The following SLC6A11 variants were observed in gnomAD, a reference collection of about 807,000 sequenced individuals.
The protein encoded by SLC6A11 is sodium- and chloride-dependent GABA transporter 3.
A neutral mutation model predicts 74.8 loss-of-function variants in SLC6A11; 25 were observed. The observed-to-expected ratio is 0.33, with a 90% CI of 0.24 to 0.47. SLC6A11 has a LOEUF of 0.47. Ranked by LOEUF, SLC6A11 falls within the 20% of genes least tolerant of loss-of-function variation. SLC6A11 has a pLI of 1.00. For missense variants in SLC6A11, 574 were observed against 837.0 expected, an observed-to-expected ratio of 0.69 and a Z score of 3.88; for synonymous variants, 330 against 330.2, an observed-to-expected ratio of 1.00 and a Z score of 0.01.
chr3:10,939,170 C>G lies in SLC6A11; in HGVS notation c.*768C>G, dbSNP rs925239140. Reference sequence around the variant, plus strand: ...CTCCGCCCTCCCAGTTGTACCTCCTCCCCACCTGCTTATTTAAAATCAAGT... The same window carrying G: ...CTCCGCCCTCCCAGTTGTACCTCCTGCCCACCTGCTTATTTAAAATCAAGT... On this transcript the variant is annotated 3_prime_UTR_variant, in exon 14 of 14. Transcript: ENST00000254488. 2 of 152,290 alleles carry G rather than the reference C, an allele frequency of 1.3e-5. No individual in the cohort carries two copies. The highest frequency in any genetic ancestry group is 2.9e-5 in the Non-Finnish European group (2 of 68,082). 9.4% of individuals were successfully genotyped at this position (152,290 alleles called of 1,614,324 possible). A position where few individuals can be genotyped will look rare whatever the true frequency, so the allele number is the denominator to read the frequency against.
At chr3:10,908,194 C>T (rs58752692) in intron 6 of SLC6A11, among the ~76,000 whole-genome samples, 11,737 of 152,078 alleles carry the variant, frequency 0.077, 598 homozygotes, top group African/African-American at 0.14. Flanking sequence ...ATACAGTGTA[C>T]TAAAAATTTG....
At chr3:10,893,234 G>C (rs1695128251) in intron 6 of SLC6A11, among the ~76,000 whole-genome samples, 1 of 152,190 alleles carries the variant, frequency 6.6e-6, no homozygotes, top group African/African-American at 2.4e-5. Flanking sequence ...GAATACCTCA[G>C]AGACAGAATA....
chr3:10,935,128 C>T lies in SLC6A11; in HGVS notation c.1675C>T (p.Leu559=). The change falls in exon 13 of 14, where the codon CTG becomes TTG. Residue 559 remains leucine (L), a synonymous_variant. Coordinates refer to ENST00000254488, the MANE Select transcript of SLC6A11 (RefSeq NM_014229.3). The part of the protein sequence containing the change: ...WGYGIGWLMA[L]SSMLCIPLWI... ...CTATGGCATTGGCTGGCTCATGGCC[C>T]TGTCCTCCATGCTCTGCATCCCGCT... is the stretch of plus-strand genomic sequence containing the variant. 6.2e-7 allele frequency: 1 copy of T among 1,614,200 alleles called. No homozygotes were observed. The highest frequency in any genetic ancestry group is 8.5e-7 in the Non-Finnish European group (1 of 1,179,996).
At position 10,905,173 on chromosome 3, in the gene SLC6A11, A is replaced by C. The variant is rs918010454; in HGVS notation, c.892-6917A>C. ...GCTGTAGGTGAAATAGACTTGGGATAATGCTTTGGCAGAGATAATGCTGTG... is the reference window on the plus strand; with the variant it reads ...GCTGTAGGTGAAATAGACTTGGGATCATGCTTTGGCAGAGATAATGCTGTG... On this transcript the variant is annotated intron_variant, in intron 6 of 13. Transcript: ENST00000254488. Among the ~76,000 whole-genome samples the C allele has an allele frequency of 1.6e-4, 24 of 152,266 alleles. 1 individual carries two copies. Among genetic ancestry groups the C allele is most frequent in the Non-Finnish European group, 5.9e-5 (4 of 68,044 alleles).
chr3:10,897,397 T>C (rs1301007308), intron 6 of SLC6A11, among the ~76,000 whole-genome samples: 1 of 152,136 alleles, frequency 6.6e-6, no homozygotes, highest in African/African-American at 2.4e-5. Flanking sequence ...GTCTGTAAAA[T>C]CAAAAGCAAG....
chr3:10,857,734 C>G (rs898205195), intron 5 of SLC6A11, among the ~76,000 whole-genome samples: 44 of 152,294 alleles, frequency 2.9e-4, no homozygotes, highest in African/African-American at 9.6e-4. Flanking sequence ...CCCTGCACCC[C>G]TTGTTTGTGA....
At chr3:10,913,763 G>C (rs139374150) in intron 7 of SLC6A11, among the ~76,000 whole-genome samples, 1 of 152,050 alleles carries the variant, frequency 6.6e-6, no homozygotes, top group Non-Finnish European at 1.5e-5. Flanking sequence ...GCACGATCTC[G>C]GCTCACTACA....
chr3:10,836,678 C>T (rs964526178), intron 4 of SLC6A11, among the ~76,000 whole-genome samples: 12 of 152,338 alleles, frequency 7.9e-5, no homozygotes, highest in South Asian at 2.1e-4. Context: ...CAGACCCTTT[C>T]GTATTCTACT....
intron 7 of SLC6A11, among the ~76,000 whole-genome samples, chr3:10,914,870 A>G (rs1695435444): frequency 1.3e-5 from 2 of 152,114 alleles, no homozygotes; most frequent in Admixed American, 1.3e-4. Flanking sequence ...TACGGTCAGC[A>G]TGGGGACCTC....
intron 8 of SLC6A11, among the ~76,000 whole-genome samples, chr3:10,924,618 C>G (rs889089329): frequency 6.6e-6 from 1 of 151,650 alleles, no homozygotes; most frequent in Non-Finnish European, 1.5e-5. Context: ...ACATCCTAAA[C>G]ATATAAAGAA....
intron 5 of SLC6A11, among the ~76,000 whole-genome samples, chr3:10,870,930 T>G (rs191271695): frequency 1.2e-4 from 19 of 152,342 alleles, no homozygotes; most frequent in Admixed American, 1.2e-3. Context: ...ATATTTTATT[T>G]CCCTTGATTT....
At chr3:10,856,950 G>A (rs959260348) in intron 5 of SLC6A11, among the ~76,000 whole-genome samples, 2 of 152,122 alleles carry the variant, frequency 1.3e-5, no homozygotes, top group Admixed American at 6.5e-5. Context: ...GGCGATGTGT[G>A]GAAATACTCC....
chr3:10,873,724 T>C (rs1694868997), intron 5 of SLC6A11, among the ~76,000 whole-genome samples: 1 of 143,062 alleles, frequency 7.0e-6, no homozygotes. Context: ...TATCCTATCC[T>C]ATCCTATCCC....
chr3:10,938,424 CTCT>C lies in SLC6A11; in HGVS notation c.*28_*30del, dbSNP rs1326507330. On this transcript the variant is annotated 3_prime_UTR_variant, in exon 14 of 14. Transcript: ENST00000254488. ...CTGAGCGGCCACCAGCCATCTGGGG[CTCT>C]TCTTCCTTTCTTCCCCCCGTGTATG... 1.9e-6 allele frequency: 3 copies of C among 1,567,474 alleles called. No individual in the cohort carries two copies. The highest frequency in any genetic ancestry group is 2.6e-6 in the Non-Finnish European group (3 of 1,149,192).
In SLC6A11 at chr3:10,929,194, C is replaced by T; in HGVS notation, c.1234-8C>T. 6.2e-7 allele frequency: 1 copy of T among 1,613,640 alleles called. No individual in the cohort carries two copies. Among genetic ancestry groups the T allele is most frequent in the Non-Finnish European group, 8.5e-7 (1 of 1,179,806 alleles). On this transcript the variant is annotated splice_polypyrimidine_tract_variant and splice_region_variant and intron_variant, in intron 9 of 13. Transcript: ENST00000254488. Reference sequence around the variant, plus strand: ...TTGAGTTTCACACCATCATATCTCCCCATCCAGTTTGTGTGTGTGGAAAGC... The same window carrying T: ...TTGAGTTTCACACCATCATATCTCCTCATCCAGTTTGTGTGTGTGGAAAGC...
intron 5 of SLC6A11, among the ~76,000 whole-genome samples, chr3:10,856,601 C>T (rs1419390178): frequency 6.6e-6 from 1 of 152,146 alleles, no homozygotes; most frequent in Non-Finnish European, 1.5e-5. Flanking sequence ...AAGGTAGAAC[C>T]CAAAACTGGT....
chr3:10,835,294 G>C lies in SLC6A11; in HGVS notation c.624-8920G>C, dbSNP rs994381065. On this transcript the variant is annotated intron_variant, in intron 4 of 13. Transcript: ENST00000254488. The stretch of plus-strand genomic sequence containing the variant: ...GTCCTGGGAGGAGGAGTAATGGGCA[G>C]GAATCTGAGGGCCTGGACCCCAGCC... 2.0e-5 allele frequency among the ~76,000 whole-genome samples: 3 copies of C among 152,210 alleles called. No homozygotes were observed. The East Asian group carries it at 5.8e-4, about 29-fold the overall frequency.
At chr3:10,833,942 C>G (rs896453733) in intron 4 of SLC6A11, among the ~76,000 whole-genome samples, 2 of 152,292 alleles carry the variant, frequency 1.3e-5, no homozygotes, top group East Asian at 1.9e-4. Flanking sequence ...GTCTGAGGTT[C>G]TTTCTACATC....
At chr3:10,836,242 A>G (rs781689866) in intron 4 of SLC6A11, among the ~76,000 whole-genome samples, 19 of 152,226 alleles carry the variant, frequency 1.2e-4, no homozygotes, top group Non-Finnish European at 2.4e-4. Context: ...TGGGTAGACC[A>G]TATTTTGTGA....
Sources: allele counts gnomAD v4.1 joint callset (sites outside exome capture counted in the v4.1 genomes callset), GRCh38; gene constraint gnomAD v4.1.1; transcripts MANE v1.5; gene names NCBI Gene and HGNC (gene_info 2026-07-23, HGNC 2026-07-21).